IMMP2L: variants seen among roughly 807,000 people sequenced by gnomAD.
IMMP2L encodes inner mitochondrial membrane peptidase subunit 2.
IMMP2L carries 18 observed loss-of-function variants against 19.3 expected under a neutral mutation model. That is an observed-to-expected ratio of 0.93 (90% CI 0.64 to 1.38). The LOEUF is 1.38. Among genes scored for constraint, IMMP2L ranks in the 40% most tolerant of loss-of-function variants. IMMP2L has a pLI of 0.00. For synonymous variants in IMMP2L, 76 were observed against 73.0 expected (o/e 1.04, Z -0.21); for missense variants, 233 against 218.2 (o/e 1.07, Z -0.43).
intron 3 of IMMP2L, among the ~76,000 whole-genome samples, chr7:111,249,624 T>G (rs1381232328): frequency 6.6e-6 from 1 of 152,226 alleles, no homozygotes; most frequent in African/African-American, 2.4e-5. Flanking sequence ...AAGTCATATT[T>G]GTAATTCATC....
At chr7:111,200,387 T>G (rs895514847) in intron 3 of IMMP2L, among the ~76,000 whole-genome samples, 3 of 152,128 alleles carry the variant, frequency 2.0e-5, no homozygotes, top group Admixed American at 2.0e-4. Flanking sequence ...AGTGGAACTA[T>G]ATAAAATTTT....
intron 5 of IMMP2L, among the ~76,000 whole-genome samples, chr7:110,852,507 T>C (rs1406731094): frequency 6.6e-6 from 1 of 152,006 alleles, no homozygotes; most frequent in African/African-American, 2.4e-5. Context: ...ATTTTTGATC[T>C]TCTATAGGGC....
chr7:110,866,800 T>C (rs749114902), intron 5 of IMMP2L, among the ~76,000 whole-genome samples: 6 of 152,090 alleles, frequency 3.9e-5, no homozygotes, highest in Non-Finnish European at 8.8e-5. Context: ...AAGATTCCAA[T>C]GTTTCCTAAA....
At chr7:111,278,510 C>A (rs548763915) in intron 3 of IMMP2L, among the ~76,000 whole-genome samples, 1 of 152,220 alleles carries the variant, frequency 6.6e-6, no homozygotes, top group Admixed American at 6.5e-5. Context: ...TTAGAGATAA[C>A]CATTGTCAAT....
intron 1 of IMMP2L, among the ~76,000 whole-genome samples, chr7:111,534,922 A>G (rs567154948): frequency 2.6e-5 from 4 of 152,286 alleles, no homozygotes; most frequent in African/African-American, 9.6e-5. Flanking sequence ...CAGATTTTCA[A>G]CTTTGATGAA....
intron 3 of IMMP2L, chr7:111,394,854 G>A (rs37676): frequency 0.19 from 42,613 of 226,420 alleles, 6,075 homozygotes; most frequent in African/African-American, 0.45. Context: ...GAAGCAAATA[G>A]TATCAGTGTA....
At chr7:111,377,938 T>G (rs921966181) in intron 3 of IMMP2L, among the ~76,000 whole-genome samples, 1 of 151,774 alleles carries the variant, frequency 6.6e-6, no homozygotes, top group African/African-American at 2.4e-5. Flanking sequence ...TTAATAATTC[T>G]AACTTAACTT....
intron 3 of IMMP2L, among the ~76,000 whole-genome samples, chr7:111,216,020 A>G (rs894228783): frequency 2.6e-5 from 4 of 152,170 alleles, no homozygotes; most frequent in African/African-American, 9.7e-5. Flanking sequence ...CAGAATATAT[A>G]CTAAAATAAC....
intron 3 of IMMP2L, among the ~76,000 whole-genome samples, chr7:111,473,741 C>T (rs1251814435): frequency 1.3e-5 from 2 of 152,120 alleles, no homozygotes; most frequent in African/African-American, 4.8e-5. Context: ...TTTGTTCAGC[C>T]ACTATGGAAA....
intron 5 of IMMP2L, among the ~76,000 whole-genome samples, chr7:110,872,633 A>G (rs1219761636): frequency 6.6e-6 from 1 of 152,138 alleles, no homozygotes; most frequent in Admixed American, 6.6e-5. Flanking sequence ...GACAACCACA[A>G]TATTCCAGCC....
At chr7:110,985,996 A>G (rs933350200) in intron 3 of IMMP2L, among the ~76,000 whole-genome samples, 1 of 152,192 alleles carries the variant, frequency 6.6e-6, no homozygotes, top group Non-Finnish European at 1.5e-5. Flanking sequence ...AAAGAAAATT[A>G]TTCCAAGTAT....
chr7:110,900,848 T>A (rs926833842), intron 4 of IMMP2L, among the ~76,000 whole-genome samples: 6 of 152,044 alleles, frequency 3.9e-5, no homozygotes, highest in African/African-American at 1.4e-4. Context: ...GCGGTATGTG[T>A]GGATTGTTCC....
At chr7:110,747,661 C>T (rs1205922676) in intron 5 of IMMP2L, among the ~76,000 whole-genome samples, 1 of 152,134 alleles carries the variant, frequency 6.6e-6, no homozygotes, top group Non-Finnish European at 1.5e-5. Flanking sequence ...ATGATTATAT[C>T]AATAGATGCA....
intron 3 of IMMP2L, among the ~76,000 whole-genome samples, chr7:111,317,814 CTG>C (rs1225629567): frequency 6.6e-6 from 1 of 152,080 alleles, no homozygotes; most frequent in Admixed American, 6.6e-5. Flanking sequence ...TTTTCAAAGT[CTG>C]TGAATTTAAT....
intron 3 of IMMP2L, among the ~76,000 whole-genome samples, chr7:111,225,910 A>G (rs1397885624): frequency 2.0e-5 from 3 of 152,048 alleles, no homozygotes; most frequent in Admixed American, 1.3e-4. Context: ...TATCCCCCTA[A>G]CTGGGGATAA....
intron 5 of IMMP2L, among the ~76,000 whole-genome samples, chr7:110,717,724 T>C (rs1194523701): frequency 6.6e-6 from 1 of 152,190 alleles, no homozygotes; most frequent in African/African-American, 2.4e-5. Flanking sequence ...AATTAGAAAG[T>C]CATTAAAAAC....
intron 1 of IMMP2L, among the ~76,000 whole-genome samples, chr7:111,531,583 A>ATGATT (rs1847398848): frequency 6.6e-6 from 1 of 152,190 alleles, no homozygotes; most frequent in African/African-American, 2.4e-5. Context: ...ATCCTATTAA[A>ATGATT]TGATAACCAT....
intron 3 of IMMP2L, among the ~76,000 whole-genome samples, chr7:111,331,267 A>G (rs1461802649): frequency 6.6e-6 from 1 of 151,984 alleles, no homozygotes; most frequent in East Asian, 1.9e-4. Context: ...GGATTCTGTC[A>G]TTTGTAGCAG....
intron 5 of IMMP2L, among the ~76,000 whole-genome samples, chr7:110,853,394 T>G (rs1806441847): frequency 6.6e-6 from 1 of 152,038 alleles, no homozygotes; most frequent in Non-Finnish European, 1.5e-5. Flanking sequence ...GTTCATGAGC[T>G]TTTATTCTTC....
Sources: allele counts gnomAD v4.1 joint callset (sites outside exome capture counted in the v4.1 genomes callset), GRCh38; gene constraint gnomAD v4.1.1; transcripts MANE v1.5; gene names NCBI Gene and HGNC (gene_info 2026-07-23, HGNC 2026-07-21).